FREM3: variants seen among roughly 807,000 people sequenced by gnomAD.
The protein encoded by FREM3 is FRAS1-related extracellular matrix protein 3.
A neutral mutation model predicts 129.1 loss-of-function variants in FREM3; 105 were observed. The ratio of observed to expected loss-of-function variants is 0.81; its 90% CI spans 0.69 to 0.96. The LOEUF is 0.96. Among genes scored for constraint, FREM3 ranks in the 40% least tolerant of loss-of-function variants. The probability of loss-of-function intolerance (pLI) is 0.00; values close to 1 mark genes in which losing one functional copy is unlikely to be tolerated. For missense variants in FREM3, 2,593 were observed against 2,666.3 expected, an observed-to-expected ratio of 0.97 and a Z score of 0.61; for synonymous variants, 1,014 against 1,044.9, an observed-to-expected ratio of 0.97 and a Z score of 0.57.
chr4:143,605,225 CAA>C (rs1442182280), intron 6 of FREM3, among the ~76,000 whole-genome samples: 1 of 152,030 alleles, frequency 6.6e-6, no homozygotes, highest in Admixed American at 6.6e-5. Flanking sequence ...GAAATTTTCT[CAA>C]GTTCTCTTAT....
At chr4:143,623,493 T>TAC (rs1738989130) in intron 4 of FREM3, among the ~76,000 whole-genome samples, 2 of 68,522 alleles carry the variant, frequency 2.9e-5, no homozygotes, top group Non-Finnish European at 6.2e-5. Flanking sequence ...TGAATACTAA[T>TAC]CCCCCCCCCC....
intron 2 of FREM3, among the ~76,000 whole-genome samples, chr4:143,660,644 C>G (rs7376152): frequency 0.54 from 82,686 of 151,770 alleles, 23,497 homozygotes; most frequent in East Asian, 0.71. Context: ...GCTTGATGGG[C>G]ATGGCACTGA....
At chr4:143,606,608 C>T (rs888774679) in intron 6 of FREM3, among the ~76,000 whole-genome samples, 10 of 152,072 alleles carry the variant, frequency 6.6e-5, no homozygotes, top group African/African-American at 2.4e-4. Context: ...AGAACCATAT[C>T]ACTGAAGGAT....
chr4:143,616,781 A>G (rs1738859090), intron 5 of FREM3, among the ~76,000 whole-genome samples: 1 of 144,028 alleles, frequency 6.9e-6, no homozygotes. Flanking sequence ...CAACAGAGCG[A>G]GACTCCGTCT....
intron 2 of FREM3, among the ~76,000 whole-genome samples, chr4:143,639,694 A>G (rs762253833): frequency 1.6e-4 from 25 of 152,214 alleles, no homozygotes; most frequent in Non-Finnish European, 3.2e-4. Flanking sequence ...CCTAGAAGGC[A>G]TACAAACTGT....
rs892643901 is a variant in FREM3, at chr4:143,696,216, G to C, written c.4460C>G (p.Thr1487Ser). ...DYAGEPIASF[T>S]QLQLASNKIS... ...TTTGTTGCTAGCCAATTGAAGTTGA[G>C]TGAAAGAGGCAATGGGTTCCCCAGC... Residue 1487 changes from threonine to serine, a missense_variant, in exon 1 of 8, where the codon ACT (threonine) becomes AGT (serine). This residue lies in a region of FREM3 where 2,276 missense variants were observed against 2,267.2 expected (regional missense o/e 1.00). Coordinates refer to ENST00000329798, the MANE Select transcript of FREM3 (RefSeq NM_001168235.2). The C allele has an allele frequency of 3.9e-6, 6 of 1,537,722 alleles. No homozygotes were observed. Among genetic ancestry groups the C allele is most frequent in the African/African-American group, 1.4e-5 (1 of 73,030 alleles).
chr4:143,595,175 A>G (rs1039775392), intron 6 of FREM3, among the ~76,000 whole-genome samples: 1 of 152,246 alleles, frequency 6.6e-6, no homozygotes, highest in African/African-American at 2.4e-5. Flanking sequence ...CTGAGAAACC[A>G]TACAGAACAG....
chr4:143,639,526 G>C (rs1739286427), intron 2 of FREM3, among the ~76,000 whole-genome samples: 1 of 152,104 alleles, frequency 6.6e-6, no homozygotes, highest in African/African-American at 2.4e-5. Context: ...GCCCCCCTTA[G>C]CATGTGGCAC....
intron 2 of FREM3, among the ~76,000 whole-genome samples, chr4:143,684,505 G>A (rs1260084738): frequency 6.6e-6 from 1 of 152,218 alleles, no homozygotes; most frequent in Non-Finnish European, 1.5e-5. Context: ...AATCTGAACA[G>A]CAGCCTTCAG....
chr4:143,598,218 G>A (rs1259272228), intron 6 of FREM3, among the ~76,000 whole-genome samples: 1 of 152,176 alleles, frequency 6.6e-6, no homozygotes, highest in Non-Finnish European at 1.5e-5. Context: ...TTGCATCAGT[G>A]GTCTGAGGCA....
rs1230458550 is a variant in FREM3 at position 143,698,047 on chromosome 4, A to G, written c.2629T>C (p.Leu877=). 11 of 1,537,352 alleles carry G rather than the reference A, an allele frequency of 7.2e-6. No homozygotes were observed. Among genetic ancestry groups the G allele is most frequent in the African/African-American group, 4.1e-5 (3 of 73,168 alleles). ...ACCATACATCTTTTAAAGTACTGCA[A>G]GTGTCCATGTTGGGGACCCCGGACT... ...ILVRGPQHGH[L]QYFKRCMVPG... is the part of the protein sequence containing the mutation. Residue 877 remains leucine, a synonymous_variant, in exon 1 of 8, where the codon TTG becomes CTG. Coordinates refer to ENST00000329798, the MANE Select transcript of FREM3 (RefSeq NM_001168235.2).
intron 7 of FREM3, among the ~76,000 whole-genome samples, chr4:143,580,468 G>C (rs886858466): frequency 2.1e-4 from 32 of 152,194 alleles, no homozygotes; most frequent in Admixed American, 6.5e-4. Context: ...GGAACTGTGT[G>C]GAGACTGGGC....
chr4:143,646,373 CT>C (rs201313249), intron 2 of FREM3, among the ~76,000 whole-genome samples: 1 of 151,038 alleles, frequency 6.6e-6, no homozygotes, highest in South Asian at 2.1e-4. Flanking sequence ...AGTTGGTTTT[CT>C]TTTTTTTTAG....
In FREM3 at chr4:143,652,395, C is replaced by T. The variant is rs1243443172; in HGVS notation, c.5276-24635G>A. Among the ~76,000 whole-genome samples the T allele has an allele frequency of 2.0e-4, 8 of 40,520 alleles. 2 individuals carry two copies. Among genetic ancestry groups the T allele is most frequent in the African/African-American group, 4.4e-4 (8 of 18,242 alleles). 26.6% of individuals were successfully genotyped at this position (40,520 alleles called of 152,430 possible). On this transcript the variant is annotated intron_variant, in intron 2 of 7. Transcript: ENST00000329798. ...GCCAGGATGGTCTCGATCTCCTGAC[C>T]TCATGATCCACCCGCCTCGGCCTCC... is the stretch of plus-strand genomic sequence containing the variant.
Position 143,696,915 on chromosome 4 carries a change from C to T in FREM3, c.3761G>A (p.Ser1254Asn). 1 of 1,537,636 alleles carries T rather than the reference C, an allele frequency of 6.5e-7. No homozygotes were observed. Residue 1254 changes from serine to asparagine, a missense_variant, in exon 1 of 8, where the codon AGC becomes AAC. Ser to Asn is a conservative substitution (Grantham distance 46, BLOSUM62 1). Coordinates refer to ENST00000329798, the MANE Select transcript of FREM3 (RefSeq NM_001168235.2). ...CTCCTGGATCTCCTTGAGGGTGAAG[C>T]TGTGGATGGGCTGGCTGCCTGTAGC... ...QLATGSQPIH[S>N]FTLKEIQEAS...
chr4:143,665,608 G>T (rs888209345), intron 2 of FREM3, among the ~76,000 whole-genome samples: 6 of 152,016 alleles, frequency 3.9e-5, no homozygotes, highest in Non-Finnish European at 5.9e-5. Flanking sequence ...TGGGCAAGTG[G>T]TTAAGGTATT....
chr4:143,602,484 C>T (rs1253588905), intron 6 of FREM3, among the ~76,000 whole-genome samples: 1 of 152,082 alleles, frequency 6.6e-6, no homozygotes, highest in Non-Finnish European at 1.5e-5. Context: ...GCAGAAGTAT[C>T]TCCCAAAAAA....
chr4:143,631,278 C>G (rs939306134), intron 2 of FREM3, among the ~76,000 whole-genome samples: 1 of 152,122 alleles, frequency 6.6e-6, no homozygotes, highest in Non-Finnish European at 1.5e-5. Flanking sequence ...ATTGCAATTT[C>G]CAGTTTACTA....
At chr4:143,583,026 GC>G in intron 7 of FREM3, among the ~76,000 whole-genome samples, 1 of 151,860 alleles carries the variant, frequency 6.6e-6, no homozygotes, top group Non-Finnish European at 1.5e-5. Context: ...GACTACAGGT[GC>G]ACACCACCAT....
Sources: allele counts gnomAD v4.1 joint callset (sites outside exome capture counted in the v4.1 genomes callset), GRCh38; gene constraint gnomAD v4.1.1; regional missense constraint gnomAD v4.1.1; transcripts MANE v1.5; gene names NCBI Gene and HGNC (gene_info 2026-07-23, HGNC 2026-07-21).